EEFSEC: variants seen among roughly 807,000 people sequenced by gnomAD.
EEFSEC encodes the protein selenocysteine-specific elongation factor.
A neutral mutation model predicts 42.1 loss-of-function variants in EEFSEC; 43 were observed. The observed-to-expected ratio is 1.02, with a 90% CI of 0.80 to 1.32. EEFSEC has a LOEUF of 1.32. EEFSEC is among the 40% of genes most tolerant of loss of function. The pLI is 0.00. For missense variants in EEFSEC, 745 were observed against 803.6 expected, an observed-to-expected ratio of 0.93 and a Z score of 0.88; for synonymous variants, 354 against 339.1, an observed-to-expected ratio of 1.04 and a Z score of -0.48.
chr3:128,353,701 G>A (rs557893010), intron 5 of EEFSEC, among the ~76,000 whole-genome samples: 39 of 152,304 alleles, frequency 2.6e-4, no homozygotes, highest in East Asian at 1.5e-3. Flanking sequence ...GGCAGACAGG[G>A]CCCAGCCCTT....
intron 6 of EEFSEC, among the ~76,000 whole-genome samples, chr3:128,381,308 G>A (rs542441985): frequency 1.2e-4 from 18 of 152,358 alleles, no homozygotes; most frequent in African/African-American, 4.3e-4. Context: ...AGATGAATGG[G>A]TTGGGCGGCT....
At chr3:128,177,103 T>A (rs2065357532) in intron 1 of EEFSEC, among the ~76,000 whole-genome samples, 1 of 152,000 alleles carries the variant, frequency 6.6e-6, no homozygotes, top group Admixed American at 6.6e-5. Flanking sequence ...TTCAAGTGAT[T>A]CTCCTGCCTC....
rs78215913 is a variant in EEFSEC at position 128,158,541 on chromosome 3, A to G, written c.316+4718A>G. On this transcript the variant is annotated intron_variant, in intron 1 of 6. Coordinates refer to ENST00000254730, the MANE Select transcript of EEFSEC (RefSeq NM_021937.5). ...CCCTGATCAGTCGGCAACCATCACCATTGAGGCAAGACCCTCCACCAGCAA... is the reference window on the plus strand; with the variant it reads ...CCCTGATCAGTCGGCAACCATCACCGTTGAGGCAAGACCCTCCACCAGCAA... 3.0e-4 allele frequency among the ~76,000 whole-genome samples: 46 copies of G among 152,342 alleles called. 1 individual carries two copies. In the East Asian group the frequency reaches 8.5e-3, roughly 28 times the overall value.
intron 4 of EEFSEC, among the ~76,000 whole-genome samples, chr3:128,284,334 T>A (rs2066560976): frequency 6.6e-6 from 1 of 152,240 alleles, no homozygotes; most frequent in Admixed American, 6.5e-5. Context: ...AAAGCTTGTC[T>A]TGATGAACCA....
chr3:128,166,262 G>T (rs1559850885), intron 1 of EEFSEC, among the ~76,000 whole-genome samples: 1 of 152,020 alleles, frequency 6.6e-6, no homozygotes, highest in African/African-American at 2.4e-5. Flanking sequence ...AGACACTTTG[G>T]CTGGAAAAAA....
intron 5 of EEFSEC, among the ~76,000 whole-genome samples, chr3:128,357,613 G>T (rs1470914856): frequency 4.6e-5 from 7 of 152,216 alleles, no homozygotes; most frequent in Admixed American, 4.6e-4. Flanking sequence ...GTACATAGGG[G>T]TGTGTGCAGC....
rs2066868019 is a variant in EEFSEC at position 128,309,505 on chromosome 3, A to G, written c.787-31728A>G. Among the ~76,000 whole-genome samples, 3 of 152,224 alleles carry G rather than the reference A, an allele frequency of 2.0e-5. No individual in the cohort carries two copies. The South Asian group carries it at 6.2e-4, about 32-fold the overall frequency. On this transcript the variant is annotated intron_variant, in intron 4 of 6. Coordinates refer to ENST00000254730, the MANE Select transcript of EEFSEC (RefSeq NM_021937.5). ...TACATAACCAGTGTACCCAATGAGT[A>G]GGACCTAAGCCTTTATTTTCAGATG... is the stretch of plus-strand genomic sequence containing the variant.
chr3:128,313,415 C>T (rs113141106), intron 4 of EEFSEC, among the ~76,000 whole-genome samples: 36 of 152,350 alleles, frequency 2.4e-4, no homozygotes, highest in African/African-American at 7.2e-4. Flanking sequence ...GTGGGAGCCA[C>T]GGGTGGCATG....
At chr3:128,233,214 T>C (rs1183686590) in intron 1 of EEFSEC, among the ~76,000 whole-genome samples, 4 of 152,260 alleles carry the variant, frequency 2.6e-5, no homozygotes, top group Admixed American at 1.3e-4. Flanking sequence ...TGTTATCCAG[T>C]TAACATCTAA....
rs9819329 is a variant in EEFSEC, at chr3:128,290,967, C to T, written c.786+26186C>T. Among the ~76,000 whole-genome samples the T allele has an allele frequency of 7.9e-5, 12 of 151,962 alleles. No individual in the cohort carries two copies. The East Asian group carries it at 2.3e-3, about 29-fold the overall frequency. ...TTTCGCCATATTGGCCATGGCTGGT[C>T]TCGAACTCCCGACCTCAAGTGATCC... On this transcript the variant is annotated intron_variant, in intron 4 of 6. Coordinates refer to ENST00000254730, the MANE Select transcript of EEFSEC (RefSeq NM_021937.5).
intron 1 of EEFSEC, among the ~76,000 whole-genome samples, chr3:128,223,644 T>C (rs2065881592): frequency 6.6e-6 from 1 of 152,234 alleles, no homozygotes; most frequent in Non-Finnish European, 1.5e-5. Context: ...ACCACTGGGC[T>C]TCAGTATCCT....
At chr3:128,294,978 T>G (rs141858766) in intron 4 of EEFSEC, among the ~76,000 whole-genome samples, 2 of 152,338 alleles carry the variant, frequency 1.3e-5, no homozygotes, top group East Asian at 3.9e-4. Context: ...GCTGTCCCCA[T>G]GATGCCTGGG....
chr3:128,161,384 G>C (rs140848896), intron 1 of EEFSEC, among the ~76,000 whole-genome samples: 2 of 152,178 alleles, frequency 1.3e-5, no homozygotes, highest in African/African-American at 2.4e-5. Flanking sequence ...TCTGGTGGCT[G>C]TGAGGATTAA....
At chr3:128,264,089 A>G (rs2066326633) in intron 3 of EEFSEC, among the ~76,000 whole-genome samples, 1 of 152,146 alleles carries the variant, frequency 6.6e-6, no homozygotes, top group Non-Finnish European at 1.5e-5. Flanking sequence ...CAGAGGAGGT[A>G]TTGCTGCAGT....
chr3:128,231,258 A>G (rs1207514881), intron 1 of EEFSEC, among the ~76,000 whole-genome samples: 3 of 152,230 alleles, frequency 2.0e-5, no homozygotes, highest in Non-Finnish European at 4.4e-5. Flanking sequence ...GTTATGAATG[A>G]TGAGGCTTTC....
intron 6 of EEFSEC, among the ~76,000 whole-genome samples, chr3:128,387,100 C>T (rs2067849273): frequency 6.6e-6 from 1 of 152,218 alleles, no homozygotes; most frequent in African/African-American, 2.4e-5. Context: ...GCAGCTCCCT[C>T]AGGGCTGGCA....
At chr3:128,345,733 G>A (rs1488166227) in intron 5 of EEFSEC, among the ~76,000 whole-genome samples, 1 of 152,236 alleles carries the variant, frequency 6.6e-6, no homozygotes, top group African/African-American at 2.4e-5. Context: ...AGCTATCTCA[G>A]TTCATCACAA....
chr3:128,310,490 GCCTATC>G, intron 4 of EEFSEC, among the ~76,000 whole-genome samples: 1 of 152,270 alleles, frequency 6.6e-6, no homozygotes, highest in East Asian at 1.9e-4. Context: ...GTGGCCTTGC[GCCTATC>G]CCCTGGTCTC....
intron 4 of EEFSEC, among the ~76,000 whole-genome samples, chr3:128,324,456 G>C (rs2067042207): frequency 6.6e-6 from 1 of 152,146 alleles, no homozygotes; most frequent in African/African-American, 2.4e-5. Flanking sequence ...TCAGCACACT[G>C]TTTGCACTTG....
Sources: allele counts gnomAD v4.1 joint callset (sites outside exome capture counted in the v4.1 genomes callset), GRCh38; gene constraint gnomAD v4.1.1; transcripts MANE v1.5; gene names NCBI Gene and HGNC (gene_info 2026-07-23, HGNC 2026-07-21).